ANAPC2: variants seen among roughly 807,000 people sequenced by gnomAD.
The protein encoded by ANAPC2 is anaphase promoting complex subunit 2.
Under a neutral mutation model 84.3 loss-of-function variants are expected in ANAPC2, and 29 were observed. The ratio of observed to expected loss-of-function variants is 0.34; its 90% CI spans 0.26 to 0.47. The LOEUF (loss-of-function observed/expected upper bound fraction) is 0.47, where lower values mean the gene tolerates loss of function less well. Among genes scored for constraint, ANAPC2 ranks in the 20% least tolerant of loss-of-function variants. The probability of loss-of-function intolerance (pLI) is 1.00; values close to 1 mark genes in which losing one functional copy is unlikely to be tolerated. For synonymous variants in ANAPC2, 571 were observed against 479.4 expected (o/e 1.19, Z -2.50); for missense variants, 857 against 1,131.7 (o/e 0.76, Z 3.48).
chr9:137,188,248 G>A (rs1376022540), intron 1 of ANAPC2, 145 bp from the exon 2 acceptor site: 3 of 1,328,102 alleles, frequency 2.3e-6, no homozygotes, highest in East Asian at 2.5e-5. Context: ...GCTATGGAAG[G>A]GCTGTCAGCG....
At chr9:137,175,497 T>C (rs1287297081) in intron 11 of ANAPC2, 25 bp from the exon 12 acceptor site, 1 of 1,526,162 alleles carries the variant, frequency 6.6e-7, no homozygotes, top group East Asian at 2.5e-5. Flanking sequence ...ACCGGGACGC[T>C]GGGCAGCCTG....
chr9:137,184,878 C>A (rs759189626), intron 4 of ANAPC2, 35 bp downstream of exon 4: 3 of 1,603,948 alleles, frequency 1.9e-6, no homozygotes, highest in Non-Finnish European at 2.5e-6. Flanking sequence ...ACTCCCCAGA[C>A]GGGAGAGCGG....
intron 6 of ANAPC2, among the ~76,000 whole-genome samples, 181 bp from the exon 7 acceptor site, chr9:137,182,043 G>A (rs539341059): frequency 1.3e-5 from 2 of 152,278 alleles, no homozygotes; most frequent in South Asian, 2.1e-4. Context: ...TAAACCCAAC[G>A]TTACTTGGGA....
chr9:137,177,557 T>A (rs1393855920), intron 10 of ANAPC2, among the ~76,000 whole-genome samples: 1 of 149,152 alleles, frequency 6.7e-6, no homozygotes, highest in African/African-American at 2.6e-5. Flanking sequence ...GAACTTTGTG[T>A]GGATGGTAGT....
intron 5 of ANAPC2, 71 bp from the exon 6 acceptor site, chr9:137,183,313 T>C (rs1470768337): frequency 7.7e-7 from 1 of 1,301,378 alleles, no homozygotes; most frequent in Non-Finnish European, 1.1e-6. Flanking sequence ...AACACCCGAG[T>C]AGACAGCTGG....
chr9:137,182,076 G>C (rs1253568843), intron 6 of ANAPC2, among the ~76,000 whole-genome samples: 1 of 152,220 alleles, frequency 6.6e-6, no homozygotes, highest in Non-Finnish European at 1.5e-5. Context: ...GCGAGCGCAA[G>C]GCCGGCCTGC....
intron 4 of ANAPC2, 24 bp from the exon 5 acceptor site, chr9:137,183,815 A>G (rs1834393282): frequency 6.2e-7 from 1 of 1,611,930 alleles, no homozygotes; most frequent in Non-Finnish European, 8.5e-7. Context: ...AACATCCCTC[A>G]GGGACAGACA....
chr9:137,187,958 G>T lies in ANAPC2; in HGVS notation c.263C>A (p.Ser88Tyr), dbSNP rs1479623970. 5 of 1,613,812 alleles carry T rather than the reference G, an allele frequency of 3.1e-6. No homozygotes were observed. Among genetic ancestry groups the T allele is most frequent in the East Asian group, 2.2e-5 (1 of 44,900 alleles). Residue 88 changes from serine to tyrosine, a missense_variant, in exon 2 of 13, where the codon TCC (serine) becomes TAC (tyrosine). Ser to Tyr is a moderately radical substitution (Grantham distance 144). Coordinates refer to ENST00000323927, the MANE Select transcript of ANAPC2 (RefSeq NM_013366.4). Reference sequence around the variant, plus strand: ...GGAGATGGCATTCCAGAACTCAGGGGAGATGTTGGCCTGCAGATCGTTCTG... The same window carrying T: ...GGAGATGGCATTCCAGAACTCAGGGTAGATGTTGGCCTGCAGATCGTTCTG... ...VLQNDLQANI[S>Y]PEFWNAISQC...
Position 137,182,368 on chromosome 9 carries a change from C to G in ANAPC2, c.1287-506G>C, listed in dbSNP as rs530859368. On this transcript the variant is annotated intron_variant, in intron 6 of 12. Transcript: ENST00000323927. ...TCTATTAAAAATACAAAAAGTTAGCCAGGCTTGGTGGCGGCCTGTAGTCTC... is the reference window on the plus strand; with the variant it reads ...TCTATTAAAAATACAAAAAGTTAGCGAGGCTTGGTGGCGGCCTGTAGTCTC... Among the ~76,000 whole-genome samples, 3 of 152,254 alleles carry G rather than the reference C, an allele frequency of 2.0e-5. No individual in the cohort carries two copies. The South Asian group carries it at 6.2e-4, about 32-fold the overall frequency.
Position 137,183,238 on chromosome 9 carries a change from G to A in ANAPC2, c.1173C>T (p.Val391=). The A allele has an allele frequency of 6.2e-7, 1 of 1,612,428 alleles. No homozygotes were observed. The highest frequency in any genetic ancestry group is 8.5e-7 in the Non-Finnish European group (1 of 1,179,402). ...AGAGGGTGATGATGTCACACGTGTT[G>A]ACGCCTACAGCCAGGGCAGAAGCCA... ...ALETRLLHPG[V]NTCDIITLYI... is the part of the protein sequence containing the mutation. Residue 391 remains valine, a synonymous_variant, in exon 6 of 13, where the codon GTC becomes GTT. Transcript: ENST00000323927.
At chr9:137,184,800 C>A (rs1834425462) in intron 4 of ANAPC2, 113 bp downstream of exon 4, 3 of 1,359,188 alleles carry the variant, frequency 2.2e-6, no homozygotes, top group African/African-American at 2.9e-5. Flanking sequence ...AGACACAGAG[C>A]AGACACGGTG....
intron 4 of ANAPC2, 49 bp from the exon 5 acceptor site, chr9:137,183,840 C>G (rs1367080080): frequency 6.2e-7 from 1 of 1,601,324 alleles, no homozygotes; most frequent in East Asian, 2.2e-5. Context: ...TGCGTGCGCA[C>G]GTGCAGGCTG....
chr9:137,188,126 G>A (rs548840675), intron 1 of ANAPC2, 23 bp from the exon 2 acceptor site: 4 of 1,602,574 alleles, frequency 2.5e-6, no homozygotes, highest in African/African-American at 2.7e-5. Flanking sequence ...AAACCGTGAG[G>A]CGAGGGGAAC....
In ANAPC2 at chr9:137,180,346, C is replaced by T; in HGVS notation, c.1725G>A (p.Arg575=). The T allele has an allele frequency of 6.2e-7, 1 of 1,613,164 alleles. No individual in the cohort carries two copies. Among genetic ancestry groups the T allele is most frequent in the Non-Finnish European group, 8.5e-7 (1 of 1,179,954 alleles). Residue 575 remains arginine (R), a synonymous_variant, in exon 10 of 13, where the codon CGG becomes CGA. Transcript: ENST00000323927. ...ADSRRINANI[R]EEDEKRPAEE... The stretch of plus-strand genomic sequence containing the variant: ...CTGCTGGCCGCTTCTCATCCTCCTC[C>T]CGGATGTTGGCATTGATGCGGCGGG...
chr9:137,179,368 CTG>C (rs1230853802), intron 10 of ANAPC2, among the ~76,000 whole-genome samples: 1 of 152,146 alleles, frequency 6.6e-6, no homozygotes, highest in Non-Finnish European at 1.5e-5. Context: ...CACCTCCCAC[CTG>C]TGACGACCAT....
At chr9:137,180,134 A>C in intron 10 of ANAPC2, 47 bp downstream of exon 10, 1 of 1,583,296 alleles carries the variant, frequency 6.3e-7, no homozygotes, top group Non-Finnish European at 8.6e-7. Context: ...CCCGCAGTGC[A>C]GGGTAGGGGT....
chr9:137,186,347 G>A lies in ANAPC2; in HGVS notation c.750C>T (p.Leu250=), dbSNP rs929364330. ...CGGCACTGACCCGCTCCAGCAGACTGAGCCTGTGTCTAGAGGAGAGCCCTG... is the reference window on the plus strand; with the variant it reads ...CGGCACTGACCCGCTCCAGCAGACTAAGCCTGTGTCTAGAGGAGAGCCCTG... ...FHQLSQVLHR[L]SLLERVSAEA... is the part of the protein sequence containing the mutation. The change falls in exon 3 of 13, where the codon CTC becomes CTT. Residue 250 remains leucine (L), a synonymous_variant. Coordinates refer to ENST00000323927, the MANE Select transcript of ANAPC2 (RefSeq NM_013366.4). 1 of 1,605,274 alleles carries A rather than the reference G, an allele frequency of 6.2e-7. No homozygotes were observed. Among genetic ancestry groups the A allele is most frequent in the Non-Finnish European group, 8.5e-7 (1 of 1,177,242 alleles).
chr9:137,178,199 C>T (rs1201780741), intron 10 of ANAPC2, among the ~76,000 whole-genome samples: 1 of 143,596 alleles, frequency 7.0e-6, no homozygotes, highest in Non-Finnish European at 1.5e-5. Flanking sequence ...GGCTCCAAGG[C>T]CATGACCTCC....
chr9:137,182,657 G>A (rs949413470), intron 6 of ANAPC2, among the ~76,000 whole-genome samples: 9 of 152,202 alleles, frequency 5.9e-5, no homozygotes, highest in Non-Finnish European at 1.3e-4. Context: ...CCGGGCCAGG[G>A]CCTCTGCGAC....
Sources: gnomAD v4.1 joint callset for allele counts (sites outside exome capture counted in the v4.1 genomes callset) on GRCh38, gnomAD v4.1.1 for gene constraint, MANE v1.5 for transcripts, NCBI Gene and HGNC (gene_info 2026-07-23, HGNC 2026-07-21) for gene names.